ZNF804B: variants seen among roughly 807,000 people sequenced by gnomAD.
The protein encoded by ZNF804B is zinc finger 804B.
Under a neutral mutation model 101.4 loss-of-function variants are expected in ZNF804B, and 80 were observed. The observed-to-expected ratio is 0.79, with a 90% CI of 0.66 to 0.95. ZNF804B has a LOEUF of 0.95. ZNF804B is among the 40% of genes least tolerant of loss of function. The probability of loss-of-function intolerance (pLI) is 0.00; values close to 1 mark genes in which losing one functional copy is unlikely to be tolerated. For missense variants in ZNF804B, 1,673 were observed against 1,561.9 expected (o/e 1.07, Z -1.20); for synonymous variants, 622 against 558.8 (o/e 1.11, Z -1.59).
At chr7:88,793,177 A>G (rs952730227) in intron 1 of ZNF804B, among the ~76,000 whole-genome samples, 1 of 152,166 alleles carries the variant, frequency 6.6e-6, no homozygotes, top group Non-Finnish European at 1.5e-5. Flanking sequence ...GATGTCAATT[A>G]ATTGTTTAAA....
At chr7:89,142,804 C>T (rs1322037315) in intron 1 of ZNF804B, among the ~76,000 whole-genome samples, 1 of 151,932 alleles carries the variant, frequency 6.6e-6, no homozygotes. Flanking sequence ...ACCAGGAATT[C>T]TGGGTTGAGA....
At chr7:89,104,924 T>G (rs914489044) in intron 1 of ZNF804B, among the ~76,000 whole-genome samples, 3 of 152,128 alleles carry the variant, frequency 2.0e-5, no homozygotes, top group Non-Finnish European at 1.5e-5. Context: ...AACGCAAACA[T>G]GTTCTTCTAC....
intron 1 of ZNF804B, among the ~76,000 whole-genome samples, chr7:89,174,037 T>C (rs924355957): frequency 6.6e-6 from 1 of 152,046 alleles, no homozygotes; most frequent in Non-Finnish European, 1.5e-5. Context: ...TACATCAGGG[T>C]AAGTAAGGAT....
At chr7:89,157,697 A>C (rs1790997250) in intron 1 of ZNF804B, among the ~76,000 whole-genome samples, 1 of 152,140 alleles carries the variant, frequency 6.6e-6, no homozygotes, top group Non-Finnish European at 1.5e-5. Context: ...GTACACATCC[A>C]AATCTTTTCT....
At chr7:88,764,795 A>G (rs1290715623) in intron 1 of ZNF804B, among the ~76,000 whole-genome samples, 1 of 152,198 alleles carries the variant, frequency 6.6e-6, no homozygotes, top group Non-Finnish European at 1.5e-5. Context: ...AGTGCAAAAT[A>G]TAATTATGAA....
chr7:89,062,323 T>A (rs1040170162), intron 1 of ZNF804B, among the ~76,000 whole-genome samples: 15 of 151,984 alleles, frequency 9.9e-5, no homozygotes, highest in African/African-American at 3.1e-4. Flanking sequence ...TTTGCTCCCA[T>A]CTCCAGCTGG....
At chr7:88,811,066 A>C (rs1250007645) in intron 1 of ZNF804B, among the ~76,000 whole-genome samples, 2 of 152,042 alleles carry the variant, frequency 1.3e-5, no homozygotes, top group African/African-American at 2.4e-5. Context: ...AAAAAAAAAA[A>C]CATTAAAAAA....
rs1584131134 is a variant in ZNF804B, at chr7:89,333,717, C to T, written c.735C>T (p.Thr245=). 3.1e-6 allele frequency: 5 copies of T among 1,613,346 alleles called. No homozygotes were observed. The Admixed American group carries it at 6.7e-5, about 22-fold the overall frequency. ...ASVFSENTEE[T]HDCNKSPIYK... is the part of the protein sequence containing the mutation. ...TTTTCAGTGAGAACACAGAAGAAAC[C>T]CATGATTGTAACAAGTCACCCATTT... Residue 245 remains threonine, a synonymous_variant, in exon 4 of 4, where the codon ACC becomes ACT. Coordinates refer to ENST00000333190, the MANE Select transcript of ZNF804B (RefSeq NM_181646.5).
At chr7:88,856,018 T>C (rs1791551300) in intron 1 of ZNF804B, among the ~76,000 whole-genome samples, 2 of 152,194 alleles carry the variant, frequency 1.3e-5, no homozygotes, top group South Asian at 4.1e-4. Context: ...CCTTGTAGTA[T>C]AGTTTGAAAT....
chr7:89,054,526 A>C (rs1789260805), intron 1 of ZNF804B, among the ~76,000 whole-genome samples: 1 of 151,920 alleles, frequency 6.6e-6, no homozygotes, highest in African/African-American at 2.4e-5. Flanking sequence ...TACCACTTCT[A>C]AGGAAATGAT....
Position 89,039,250 on chromosome 7 carries a change from T to G in ZNF804B, c.109-178905T>G, listed in dbSNP as rs552472682. Among the ~76,000 whole-genome samples, 4 of 152,170 alleles carry G rather than the reference T, an allele frequency of 2.6e-5. No homozygotes were observed. The South Asian group carries it at 8.3e-4, about 32-fold the overall frequency. ...TAGGGATTTTATTGTTTCTGTAGAT[T>G]GCTTTGGGTAGTGTAAACATTTTTT... is the stretch of plus-strand genomic sequence containing the variant. On this transcript the variant is annotated intron_variant, in intron 1 of 3. Transcript: ENST00000333190.
At chr7:89,268,472 G>A (rs1268038036) in intron 2 of ZNF804B, among the ~76,000 whole-genome samples, 1 of 151,910 alleles carries the variant, frequency 6.6e-6, no homozygotes, top group Non-Finnish European at 1.5e-5. Context: ...ATTTCATGAC[G>A]AGATCTTTCT....
intron 2 of ZNF804B, among the ~76,000 whole-genome samples, chr7:89,283,085 G>A (rs933410571): frequency 1.3e-5 from 2 of 152,024 alleles, no homozygotes; most frequent in African/African-American, 4.8e-5. Flanking sequence ...TCTCCATAAT[G>A]AATTCATACT....
At chr7:89,111,903 A>T (rs1470922512) in intron 1 of ZNF804B, among the ~76,000 whole-genome samples, 1 of 152,070 alleles carries the variant, frequency 6.6e-6, no homozygotes, top group East Asian at 1.9e-4. Context: ...CAGGAGTTTG[A>T]CACCAGTCTG....
At chr7:88,993,357 T>A (rs1367802058) in intron 1 of ZNF804B, among the ~76,000 whole-genome samples, 1 of 152,044 alleles carries the variant, frequency 6.6e-6, no homozygotes, top group African/African-American at 2.4e-5. Flanking sequence ...TTTTACCAAA[T>A]CCTTGAGGAG....
chr7:89,117,615 G>A (rs1231681958), intron 1 of ZNF804B, among the ~76,000 whole-genome samples: 2 of 151,940 alleles, frequency 1.3e-5, no homozygotes, highest in African/African-American at 4.8e-5. Context: ...AATCTCAAAC[G>A]GTTTAAATTG....
intron 1 of ZNF804B, among the ~76,000 whole-genome samples, chr7:88,970,734 C>T (rs1013600477): frequency 6.2e-5 from 9 of 145,836 alleles, no homozygotes; most frequent in Non-Finnish European, 1.2e-4. Context: ...AACCAAACAC[C>T]GCATGTTCTC....
At chr7:88,862,969 A>G (rs1451915933) in intron 1 of ZNF804B, among the ~76,000 whole-genome samples, 1 of 152,172 alleles carries the variant, frequency 6.6e-6, no homozygotes, top group Non-Finnish European at 1.5e-5. Context: ...TTTTTGAATG[A>G]TAAGCCTAAT....
intron 2 of ZNF804B, among the ~76,000 whole-genome samples, chr7:89,307,684 A>C (rs962557438): frequency 1.3e-5 from 2 of 152,064 alleles, no homozygotes; most frequent in Admixed American, 6.6e-5. Context: ...AATTTTAAAA[A>C]CAATACATTT....
Sources: allele counts gnomAD v4.1 joint callset (sites outside exome capture counted in the v4.1 genomes callset), GRCh38; gene constraint gnomAD v4.1.1; transcripts MANE v1.5; gene names NCBI Gene and HGNC (gene_info 2026-07-23, HGNC 2026-07-21).